USP24: variants seen among roughly 807,000 people sequenced by gnomAD.
USP24 encodes ubiquitin carboxyl-terminal hydrolase 24.
USP24 carries 97 observed loss-of-function variants against 361.6 expected under a neutral mutation model. The observed-to-expected ratio is 0.27, with a 90% CI of 0.23 to 0.32. USP24 has a LOEUF of 0.32. USP24 is among the 10% of genes least tolerant of loss of function. USP24 has a pLI of 1.00. For synonymous variants in USP24, 1,098 were observed against 1,124.6 expected (o/e 0.98, Z 0.47); for missense variants, 2,353 against 3,165.6 (o/e 0.74, Z 6.16).
intron 1 of USP24, among the ~76,000 whole-genome samples, chr1:55,192,506 G>A (rs572342134): frequency 7.2e-5 from 11 of 152,288 alleles, no homozygotes; most frequent in South Asian, 4.1e-4. Context: ...ATCTCTTCAC[G>A]ATGATTTTAA....
chr1:55,069,926 G>A (rs187517806), intron 67 of USP24, among the ~76,000 whole-genome samples: 1,711 of 148,528 alleles, frequency 0.012, 38 homozygotes, highest in African/African-American at 0.041. Flanking sequence ...GGGGAGGTGC[G>A]CAGGTGCTAG....
chr1:55,202,786 G>A (rs555351228), intron 1 of USP24, among the ~76,000 whole-genome samples: 127 of 152,328 alleles, frequency 8.3e-4, no homozygotes, highest in Non-Finnish European at 1.6e-3. Context: ...GGGATCACTT[G>A]TACAAGGATG....
rs143987954 is a variant in USP24 at position 55,141,194 on chromosome 1, CTGAG to C, written c.2750+418_2750+421del. Among the ~76,000 whole-genome samples the C allele has an allele frequency of 4.6e-3, 706 of 152,022 alleles. 7 individuals carry two copies. Among genetic ancestry groups the C allele is most frequent in the African/African-American group, 0.015 (630 of 41,454 alleles). On this transcript the variant is annotated intron_variant, in intron 24 of 67. Transcript: ENST00000294383. ...TCATTCTGCTTACCCTATTAATGCC[CTGAG>C]TTTGACTATTCAAGGAGAAAAGCTA...
At chr1:55,157,111 A>C in intron 11 of USP24, 60 bp from the exon 12 acceptor site, 1 of 1,467,924 alleles carries the variant, frequency 6.8e-7, no homozygotes, top group Non-Finnish European at 9.4e-7. Flanking sequence ...CTCTAAATAT[A>C]ATTCTATTGA....
intron 39 of USP24, among the ~76,000 whole-genome samples, chr1:55,108,680 T>C (rs943465577): frequency 3.9e-5 from 6 of 152,164 alleles, no homozygotes; most frequent in African/African-American, 1.4e-4. Flanking sequence ...CATTTATCAC[T>C]CAACAACACA....
chr1:55,134,241 A>G (rs2100656048), intron 29 of USP24, 78 bp from the exon 30 acceptor site: 9 of 1,562,508 alleles, frequency 5.8e-6, no homozygotes, highest in Non-Finnish European at 7.9e-6. Flanking sequence ...GGAATATAAA[A>G]TAAAATGCAT....
At position 55,162,252 on chromosome 1, in the gene USP24, G is replaced by T. The variant is rs754659823; in HGVS notation, c.940C>A (p.Leu314Met). Reference sequence around the variant, plus strand: ...GCACACACTCCTAAGGGCTGAATCAGTGCTGAGACAGCCTGGAAAAAGACA... The same window carrying T: ...GCACACACTCCTAAGGGCTGAATCATTGCTGAGACAGCCTGGAAAAAGACA... ...EDIELGAVSA[L>M]IQPLGVCAEY... is the part of the protein sequence containing the mutation. Residue 314 changes from leucine to methionine, a missense_variant, in exon 8 of 68, where the codon CTG becomes ATG. Transcript: ENST00000294383. The T allele has an allele frequency of 6.3e-7, 1 of 1,581,262 alleles. No individual in the cohort carries two copies. The highest frequency in any genetic ancestry group is 1.2e-5 in the South Asian group (1 of 84,092).
chr1:55,141,834 A>G, intron 23 of USP24, 103 bp from the exon 24 acceptor site: 1 of 1,006,746 alleles, frequency 9.9e-7, no homozygotes, highest in Admixed American at 2.1e-5. Flanking sequence ...TGTCCTGGGC[A>G]TTCACTGTAG....
At chr1:55,196,133 C>T (rs1339632325) in intron 1 of USP24, among the ~76,000 whole-genome samples, 1 of 152,096 alleles carries the variant, frequency 6.6e-6, no homozygotes, top group Non-Finnish European at 1.5e-5. Context: ...AACAGTGGAT[C>T]CCTCTTCCTG....
At chr1:55,164,641 A>C (rs1323848992) in intron 7 of USP24, among the ~76,000 whole-genome samples, 2 of 152,080 alleles carry the variant, frequency 1.3e-5, no homozygotes, top group Non-Finnish European at 2.9e-5. Context: ...TGCAGCAGAC[A>C]ACACAATTGT....
intron 1 of USP24, among the ~76,000 whole-genome samples, chr1:55,200,184 AT>A (rs1557702693): frequency 6.6e-6 from 1 of 152,260 alleles, no homozygotes; most frequent in Non-Finnish European, 1.5e-5. Context: ...CAAGTATCAA[AT>A]CAAATTATAC....
chr1:55,213,556 C>A (rs1038880388), intron 1 of USP24, among the ~76,000 whole-genome samples: 3 of 152,172 alleles, frequency 2.0e-5, no homozygotes, highest in African/African-American at 4.8e-5. Flanking sequence ...TAAGAACGAA[C>A]CAAATTCGTA....
chr1:55,167,891 G>A (rs1014487300), intron 5 of USP24, among the ~76,000 whole-genome samples: 21 of 152,106 alleles, frequency 1.4e-4, no homozygotes, highest in Non-Finnish European at 1.8e-4. Flanking sequence ...GACACACTAA[G>A]TTTGAGAACT....
chr1:55,080,012 A>G (rs1449950808), intron 59 of USP24, among the ~76,000 whole-genome samples: 2 of 152,142 alleles, frequency 1.3e-5, no homozygotes, highest in Admixed American at 6.5e-5. Context: ...CCACTCCATA[A>G]TCTTTCAAAG....
rs749594412 is a variant in USP24 at position 55,068,971 on chromosome 1, C to T, written c.*74G>A. 71 of 1,525,646 alleles carry T rather than the reference C, an allele frequency of 4.7e-5. No homozygotes were observed. The highest frequency in any genetic ancestry group is 2.7e-4 in the East Asian group (12 of 44,440). 94.5% of individuals were successfully genotyped at this position (1,525,646 alleles called of 1,614,324 possible). A position where few individuals can be genotyped will look rare whatever the true frequency, so the allele number is the denominator to read the frequency against. On this transcript the variant is annotated 3_prime_UTR_variant, in exon 68 of 68. Transcript: ENST00000294383. Reference sequence around the variant, plus strand: ...AATCTCCAGGCTCTTCCAAAGGGTTCGAGATTCTGATTCCAAGAAGGTGCT... The same window carrying T: ...AATCTCCAGGCTCTTCCAAAGGGTTTGAGATTCTGATTCCAAGAAGGTGCT...
rs750862208 is a variant in USP24 at position 55,103,943 on chromosome 1, T to G, written c.4958A>C (p.Gln1653Pro). 4 of 1,611,858 alleles carry G rather than the reference T, an allele frequency of 2.5e-6. No homozygotes were observed. The highest frequency in any genetic ancestry group is 2.7e-5 in the African/African-American group (2 of 74,876). ...AGAAAGCAGTTCTTTTATAATAATT[T>G]GAAGATTTGAAGGTGAACTATCAGC... Reference protein sequence around the residue: ...MLADSSPSNLQIIIKELLSMH... With the variant: ...MLADSSPSNLPIIIKELLSMH... Residue 1653 changes from glutamine to proline, a missense_variant, in exon 42 of 68, where the codon CAA (glutamine) becomes CCA (proline). Physicochemically the swap from Gln to Pro is moderately conservative, Grantham distance 76 (BLOSUM62 -1). Transcript: ENST00000294383.
At chr1:55,096,876 C>G in intron 49 of USP24, 76 bp downstream of exon 49, 1 of 1,518,736 alleles carries the variant, frequency 6.6e-7, no homozygotes. Flanking sequence ...CCCTGCACCA[C>G]AGCGGTGAGT....
chr1:55,136,974 G>A (rs1197729868), intron 28 of USP24, among the ~76,000 whole-genome samples: 2 of 152,142 alleles, frequency 1.3e-5, no homozygotes, highest in East Asian at 1.9e-4. Flanking sequence ...TGTAGACAGA[G>A]GAGAGGTCCA....
intron 1 of USP24, among the ~76,000 whole-genome samples, chr1:55,193,832 A>C (rs1400326235): frequency 6.6e-6 from 1 of 152,174 alleles, no homozygotes; most frequent in Non-Finnish European, 1.5e-5. Context: ...GGCTCACATA[A>C]GGCAAAGTTA....
Sources: gnomAD v4.1 joint callset for allele counts (sites outside exome capture counted in the v4.1 genomes callset) on GRCh38, gnomAD v4.1.1 for gene constraint, MANE v1.5 for transcripts, NCBI Gene and HGNC (gene_info 2026-07-23, HGNC 2026-07-21) for gene names.